The following MAP4 variants were observed in gnomAD, a reference collection of about 807,000 sequenced individuals.
MAP4 encodes microtubule associated protein 4.
MAP4 carries 76 observed loss-of-function variants against 170.2 expected under a neutral mutation model. The ratio of observed to expected loss-of-function variants is 0.45; its 90% CI spans 0.37 to 0.54. MAP4 has a LOEUF of 0.54. Ranked by LOEUF, MAP4 falls within the 20% of genes least tolerant of loss-of-function variation. The probability of loss-of-function intolerance (pLI) is 0.00; values close to 1 mark genes in which losing one functional copy is unlikely to be tolerated. For synonymous variants in MAP4, 909 were observed against 994.5 expected (o/e 0.91, Z 1.62); for missense variants, 2,506 against 2,748.0 (o/e 0.91, Z 1.97).
chr3:48,067,649 TTA>T lies in MAP4; in HGVS notation c.-20+21122_-20+21123del, dbSNP rs2100138974. On this transcript the variant is annotated intron_variant, in intron 1 of 18. Coordinates refer to the MAP4 transcript ENST00000360240. ...AGAGAAACCTTTTTTTTTTTTTTTT[TTA>T]AATCCCCAGACAGAGTCTCACTCTG... is the stretch of plus-strand genomic sequence containing the variant. Among the ~76,000 whole-genome samples the T allele has an allele frequency of 2.6e-5, 4 of 151,500 alleles. No homozygotes were observed. The South Asian group carries it at 8.4e-4, about 32-fold the overall frequency.
Position 47,909,722 on chromosome 3 carries a change from CTT to C in MAP4, c.4697_4698del (p.Lys1566SerfsTer33), listed in dbSNP as rs1234261076. The C allele has an allele frequency of 1.2e-6, 2 of 1,614,040 alleles. No homozygotes were observed. The highest frequency in any genetic ancestry group is 3.3e-5 in the Admixed American group (2 of 60,026). On this transcript the variant is annotated frameshift_variant, in exon 9 of 21. Transcript: ENST00000683076. LOFTEE classifies it high-confidence loss of function. Reference sequence around the variant, plus strand: ...AGGTGACCTTTTGCTAGCTCTGTGACTTTCTCTACTGAATGCTTAGACGCACC... The same window carrying C: ...AGGTGACCTTTTGCTAGCTCTGTGACTCTCTACTGAATGCTTAGACGCACC... The part of the protein sequence containing the change: ...HSGASKHSVE[K>X]VTELAKGHLL...
chr3:48,010,313 C>G (rs1296903360), intron 1 of MAP4, among the ~76,000 whole-genome samples: 6 of 152,222 alleles, frequency 3.9e-5, no homozygotes, highest in Non-Finnish European at 1.5e-5. Flanking sequence ...AGGACTGTAA[C>G]TGCCATGAGT....
At chr3:47,869,076 C>T in intron 16 of MAP4, 138 bp downstream of exon 16, 1 of 682,202 alleles carries the variant, frequency 1.5e-6, no homozygotes, top group Non-Finnish European at 2.6e-6. Context: ...TCATCAAGCA[C>T]AGAGAAGGGA....
At chr3:48,046,446 G>C (rs988720329) in intron 1 of MAP4, among the ~76,000 whole-genome samples, 1 of 152,158 alleles carries the variant, frequency 6.6e-6, no homozygotes, top group African/African-American at 2.4e-5. Context: ...GTGTATATGA[G>C]AACCACATAA....
chr3:48,001,159 G>C (rs532743403), intron 1 of MAP4, among the ~76,000 whole-genome samples: 5 of 151,096 alleles, frequency 3.3e-5, no homozygotes, highest in Non-Finnish European at 5.9e-5. Context: ...TAAGGCCAGG[G>C]GCAAGATCTA....
chr3:48,080,943 TGAAACCCC>T (rs1306802207), intron 1 of MAP4, among the ~76,000 whole-genome samples: 1 of 152,074 alleles, frequency 6.6e-6, no homozygotes, highest in Non-Finnish European at 1.5e-5. Flanking sequence ...GCTAACACGG[TGAAACCCC>T]GTCTCTACTA....
At chr3:47,863,933 T>TGG (rs1463348408) in intron 17 of MAP4, among the ~76,000 whole-genome samples, 1 of 107,850 alleles carries the variant, frequency 9.3e-6, no homozygotes, top group Non-Finnish European at 2.1e-5. Context: ...TGTGTGTGTG[T>TGG]GTGTGGGGAG....
intron 17 of MAP4, among the ~76,000 whole-genome samples, chr3:47,864,594 A>G (rs2076143062): frequency 6.6e-6 from 1 of 152,030 alleles, no homozygotes; most frequent in Admixed American, 6.6e-5. Flanking sequence ...GGAGAATAGC[A>G]TCAATCCGGG....
chr3:47,902,673 CAAAAAA>C (rs3051642), intron 10 of MAP4, among the ~76,000 whole-genome samples: 1 of 25,776 alleles, frequency 3.9e-5, no homozygotes, highest in African/African-American at 1.8e-4. Context: ...GACTCTGTCT[CAAAAAA>C]AAAAAAAAAA....
At chr3:47,882,165 G>A (rs1298925625) in intron 10 of MAP4, among the ~76,000 whole-genome samples, 3 of 152,108 alleles carry the variant, frequency 2.0e-5, no homozygotes, top group East Asian at 1.9e-4. Context: ...TGTAATCCCA[G>A]CTACTTGGGA....
intron 3 of MAP4, chr3:47,973,558 A>C: frequency 4.1e-6 from 4 of 984,784 alleles, no homozygotes; most frequent in Non-Finnish European, 4.8e-6. Flanking sequence ...AAGTTCAAAA[A>C]GGAAACATAT....
intron 3 of MAP4, chr3:47,974,439 G>C (rs2100080748): frequency 1.0e-6 from 1 of 979,730 alleles, no homozygotes; most frequent in Non-Finnish European, 1.2e-6. Flanking sequence ...AAAAAACAAT[G>C]TATATCTCAA....
At chr3:48,026,531 T>A (rs1050811265) in intron 1 of MAP4, among the ~76,000 whole-genome samples, 4 of 152,186 alleles carry the variant, frequency 2.6e-5, no homozygotes, top group South Asian at 4.1e-4. Context: ...ATGGTTAGAG[T>A]GTAAGAAAAA....
intron 3 of MAP4, chr3:47,975,154 A>G (rs2100081222): frequency 1.7e-6 from 2 of 1,145,690 alleles, no homozygotes; most frequent in Admixed American, 8.5e-5. Context: ...TAAAGAAAAC[A>G]AGAAATAAAA....
intron 1 of MAP4, among the ~76,000 whole-genome samples, chr3:48,073,250 AATACAC>A (rs2100141884): frequency 8.5e-6 from 1 of 117,046 alleles, no homozygotes; most frequent in Non-Finnish European, 1.7e-5. Context: ...AATCCAAAGG[AATACAC>A]ACACACACAC....
At chr3:47,856,961 A>G (rs1304574156) in intron 18 of MAP4, among the ~76,000 whole-genome samples, 5 of 152,262 alleles carry the variant, frequency 3.3e-5, no homozygotes, top group African/African-American at 9.6e-5. Flanking sequence ...AGGAAACTGC[A>G]TTAGTGCAAG....
At chr3:48,070,359 C>G (rs887296281) in intron 1 of MAP4, among the ~76,000 whole-genome samples, 2 of 151,762 alleles carry the variant, frequency 1.3e-5, no homozygotes, top group Non-Finnish European at 2.9e-5. Flanking sequence ...TTCTTCTTCA[C>G]AGAGACCTCT....
At chr3:47,915,849 A>T in intron 7 of MAP4, 102 bp downstream of exon 7, 1 of 1,341,570 alleles carries the variant, frequency 7.5e-7, no homozygotes, top group Non-Finnish European at 1.0e-6. Context: ...TGCAAAGTAC[A>T]GTGTGACTGT....
Position 47,916,824 on chromosome 3 carries a change from C to T in MAP4, c.1003G>A (p.Val335Ile), listed in dbSNP as rs2100039720. The T allele has an allele frequency of 6.2e-7, 1 of 1,614,110 alleles. No homozygotes were observed. The change falls in exon 7 of 21, where the codon GTA (valine) becomes ATA (isoleucine). Residue 335 changes from valine to isoleucine, a missense_variant. Coordinates refer to ENST00000683076, the MANE Select transcript of MAP4 (RefSeq NM_001385682.1). Reference sequence around the variant, plus strand: ...GCTACCTCTGTTTCTGTGGGCAGTACCACATTCTTGGCTGAAGATACATCT... The same window carrying T: ...GCTACCTCTGTTTCTGTGGGCAGTATCACATTCTTGGCTGAAGATACATCT... ...ETDVSSAKNV[V>I]LPTETEVAPA... is the part of the protein sequence containing the mutation.
Sources: allele counts gnomAD v4.1 joint callset (sites outside exome capture counted in the v4.1 genomes callset), GRCh38; gene constraint gnomAD v4.1.1; transcripts MANE v1.5; gene names NCBI Gene and HGNC (gene_info 2026-07-23, HGNC 2026-07-21).